Variants in SCN9A observed in about 807,000 individuals in gnomAD.
SCN9A encodes the protein sodium voltage-gated channel alpha subunit 9.
SCN9A carries 131 observed loss-of-function variants against 187.0 expected under a neutral mutation model. The ratio of observed to expected loss-of-function variants is 0.70; its 90% CI spans 0.61 to 0.81. The LOEUF (loss-of-function observed/expected upper bound fraction) is 0.81, where lower values mean the gene tolerates loss of function less well. SCN9A is among the 30% of genes least tolerant of loss of function. The probability of loss-of-function intolerance (pLI) is 0.00; values close to 1 mark genes in which losing one functional copy is unlikely to be tolerated. For synonymous variants in SCN9A, 809 were observed against 808.6 expected, an observed-to-expected ratio of 1.00 and a Z score of -0.01; for missense variants, 2,252 against 2,396.6, an observed-to-expected ratio of 0.94 and a Z score of 1.26.
intron 2 of SCN9A, among the ~76,000 whole-genome samples, chr2:166,308,462 T>G (rs1698829783): frequency 6.6e-6 from 1 of 152,242 alleles, no homozygotes; most frequent in African/African-American, 2.4e-5. Context: ...TCCCTCCTCT[T>G]TCTCCCTCTC....
chr2:166,335,234 A>G (rs1456198880), intron 1 of SCN9A, among the ~76,000 whole-genome samples: 1 of 152,110 alleles, frequency 6.6e-6, no homozygotes, highest in Non-Finnish European at 1.5e-5. Context: ...TGTCACTGTC[A>G]GTCACTCACA....
rs1207916498 is a variant in SCN9A, at chr2:166,311,782, C to T, written c.-26G>A. The T allele has an allele frequency of 1.9e-6, 3 of 1,552,350 alleles. No homozygotes were observed. Among genetic ancestry groups the T allele is most frequent in the African/African-American group, 2.7e-5 (2 of 73,348 alleles). ...CTTTTCATCCTGTATATTTTAATTC[C>T]TCTTCAGCTCCTCACATAAGAGGCC... is the stretch of plus-strand genomic sequence containing the variant. On this transcript the variant is annotated 5_prime_UTR_variant, in exon 2 of 27. Coordinates refer to ENST00000642356, the MANE Select transcript of SCN9A (RefSeq NM_001365536.1).
At chr2:166,338,744 G>A (rs926259792) in intron 1 of SCN9A, among the ~76,000 whole-genome samples, 12 of 151,712 alleles carry the variant, frequency 7.9e-5, no homozygotes, top group East Asian at 3.9e-4. Flanking sequence ...CTTTTCTTTC[G>A]TGACCTGACA....
At chr2:166,370,076 A>T (rs72886608) in intron 1 of SCN9A, among the ~76,000 whole-genome samples, 6,919 of 151,944 alleles carry the variant, frequency 0.046, 183 homozygotes, top group African/African-American at 0.057. Flanking sequence ...TAAAGTATAG[A>T]CTCTCAAGAA....
intron 24 of SCN9A, among the ~76,000 whole-genome samples, chr2:166,208,901 G>C (rs16851795): frequency 0.014 from 2,199 of 152,262 alleles, 45 homozygotes; most frequent in African/African-American, 0.049. Flanking sequence ...CTTTCTAGGG[G>C]CTAATTTATT....
At chr2:166,360,110 A>C (rs1456815559) in intron 1 of SCN9A, among the ~76,000 whole-genome samples, 2 of 150,836 alleles carry the variant, frequency 1.3e-5, no homozygotes, top group Admixed American at 1.3e-4. Context: ...AATCCCAGCT[A>C]CTCAGGAGGC....
At chr2:166,350,589 T>G (rs1700010585) in intron 1 of SCN9A, among the ~76,000 whole-genome samples, 1 of 152,222 alleles carries the variant, frequency 6.6e-6, no homozygotes, top group African/African-American at 2.4e-5. Context: ...TATTTAACTA[T>G]GCCCACTATT....
chr2:166,327,227 C>A (rs573615359), intron 1 of SCN9A, among the ~76,000 whole-genome samples: 1 of 152,130 alleles, frequency 6.6e-6, no homozygotes, highest in Non-Finnish European at 1.5e-5. Flanking sequence ...ACTGTGATCA[C>A]GGCTCACTGG....
chr2:166,276,582 C>G (rs1306530504), intron 16 of SCN9A: 1 of 155,802 alleles, frequency 6.4e-6, no homozygotes, highest in East Asian at 1.9e-4. Context: ...AGAGGCTAGT[C>G]TTACACATGG....
chr2:166,323,300 G>A (rs540522467), intron 1 of SCN9A, among the ~76,000 whole-genome samples: 71 of 152,246 alleles, frequency 4.7e-4, no homozygotes, highest in African/African-American at 1.6e-3. Flanking sequence ...CAGAGTTTTA[G>A]AGACTCTGTG....
At chr2:166,343,938 C>T (rs1450797212) in intron 1 of SCN9A, among the ~76,000 whole-genome samples, 1 of 152,150 alleles carries the variant, frequency 6.6e-6, no homozygotes, top group Non-Finnish European at 1.5e-5. Context: ...AGTAGAGGGG[C>T]AAAGCACAAG....
intron 1 of SCN9A, among the ~76,000 whole-genome samples, chr2:166,366,284 GT>G (rs1376604912): frequency 1.3e-5 from 2 of 152,106 alleles, no homozygotes; most frequent in Non-Finnish European, 2.9e-5. Context: ...AAGTTTTCGT[GT>G]CCCTTTACTT....
At chr2:166,233,876 C>T (rs1418080679) in intron 20 of SCN9A, among the ~76,000 whole-genome samples, 1 of 152,138 alleles carries the variant, frequency 6.6e-6, no homozygotes, top group Non-Finnish European at 1.5e-5. Flanking sequence ...ATTCACTCAA[C>T]TAAATCTATG....
intron 1 of SCN9A, among the ~76,000 whole-genome samples, chr2:166,347,335 A>G (rs1699924390): frequency 6.6e-6 from 1 of 152,206 alleles, no homozygotes; most frequent in African/African-American, 2.4e-5. Context: ...TCAAGTAATT[A>G]TTTCAGAATA....
At chr2:166,284,964 A>G in intron 11 of SCN9A, 140 bp from the exon 12 acceptor site, 2 of 876,284 alleles carry the variant, frequency 2.3e-6, no homozygotes, top group Non-Finnish European at 3.4e-6. Flanking sequence ...AAAACGAAGC[A>G]ATTCAGTGAG....
At position 166,209,866 on chromosome 2, in the gene SCN9A, A is replaced by G. The variant is rs181836692; in HGVS notation, c.4399-5402T>C. 5.9e-3 allele frequency among the ~76,000 whole-genome samples: 898 copies of G among 152,306 alleles called. 11 individuals carry two copies. The highest frequency in any genetic ancestry group is 0.021 in the African/African-American group (856 of 41,570). On this transcript the variant is annotated intron_variant, in intron 24 of 26. Coordinates refer to ENST00000642356, the MANE Select transcript of SCN9A (RefSeq NM_001365536.1). The stretch of plus-strand genomic sequence containing the variant: ...ACTTTTACACTGTTGGTGGGACTGT[A>G]AACTAGTTCAACCACTGTGGAAGTC...
chr2:166,199,074 C>T lies in SCN9A; in HGVS notation c.5565G>A (p.Glu1855=). ...CCATCTGTGAACGAAGAGAATCCAT[C>T]TCCCCACTCTCACCCAAAACACGCT... is the stretch of plus-strand genomic sequence containing the variant. ...FTKRVLGESG[E]MDSLRSQMEE... Residue 1855 remains glutamate, a synonymous_variant, in exon 27 of 27, where the codon GAG becomes GAA. Coordinates refer to ENST00000642356, the MANE Select transcript of SCN9A (RefSeq NM_001365536.1). The T allele has an allele frequency of 6.2e-7, 1 of 1,614,118 alleles. No individual in the cohort carries two copies. The highest frequency in any genetic ancestry group is 1.1e-5 in the South Asian group (1 of 91,082).
chr2:166,293,023 A>T (rs1252503792), intron 9 of SCN9A, among the ~76,000 whole-genome samples: 1 of 152,282 alleles, frequency 6.6e-6, no homozygotes, highest in East Asian at 1.9e-4. Context: ...GAGATTAAAT[A>T]TGCCCAGAAA....
At chr2:166,241,794 C>T (rs1229386913) in intron 19 of SCN9A, among the ~76,000 whole-genome samples, 1 of 152,096 alleles carries the variant, frequency 6.6e-6, no homozygotes, top group African/African-American at 2.4e-5. Flanking sequence ...CTCTGAGCTC[C>T]TTAAGAATAA....
Sources: gnomAD v4.1 joint callset for allele counts (sites outside exome capture counted in the v4.1 genomes callset) on GRCh38, gnomAD v4.1.1 for gene constraint, MANE v1.5 for transcripts, NCBI Gene and HGNC (gene_info 2026-07-23, HGNC 2026-07-21) for gene names.